The following MINDY4B variants were observed in gnomAD, a reference collection of about 807,000 sequenced individuals.
MINDY4B encodes the protein MINDY family member 4B, also known as inactive ubiquitin carboxyl-terminal hydrolase MINDY-4B.
In MINDY4B, 25 loss-of-function variants were observed where a neutral mutation model predicts 16.7. The observed-to-expected ratio is 1.49, with a 90% CI of 1.09 to 2.09. MINDY4B has a LOEUF of 2.09. Among genes scored for constraint, MINDY4B ranks in the 30% most tolerant of loss-of-function variants. The probability of loss-of-function intolerance (pLI) is 0.00; values close to 1 mark genes in which losing one functional copy is unlikely to be tolerated. For missense variants in MINDY4B, 327 were observed against 168.4 expected, an observed-to-expected ratio of 1.94 and a Z score of -5.21; for synonymous variants, 132 against 61.9, an observed-to-expected ratio of 2.13 and a Z score of -5.32.
intron 10 of MINDY4B, among the ~76,000 whole-genome samples, chr3:150,878,255 TA>T (rs901142132): frequency 4.6e-5 from 7 of 152,324 alleles, no homozygotes; most frequent in African/African-American, 1.4e-4. Flanking sequence ...CATATAAGTA[TA>T]AATAAACTTG....
chr3:150,896,233 T>G (rs7623153), intron 3 of MINDY4B, among the ~76,000 whole-genome samples: 27,520 of 152,086 alleles, frequency 0.18, 2,624 homozygotes, highest in East Asian at 0.33. Flanking sequence ...GATTGTTTTT[T>G]ATTTATGTTA....
intron 5 of MINDY4B, 87 bp from the exon 6 acceptor site, chr3:150,891,190 G>A: frequency 1.5e-6 from 1 of 645,432 alleles, no homozygotes; most frequent in Non-Finnish European, 2.8e-6. Flanking sequence ...CCTGGTCATT[G>A]ACCTTCAAAG....
Position 150,873,227 on chromosome 3 carries a change from A to G in MINDY4B, c.1200T>C (p.Ser400=). ...MERLFDLYFY[S]GQPSQKKLVR... The stretch of plus-strand genomic sequence containing the variant: ...CAAGCTTTTTCTGTGAGGGTTGGCC[A>G]CTGTAAAAGTACAGATCAAAGAGAC... Residue 400 remains serine, a synonymous_variant, in exon 11 of 12, where the codon AGT becomes AGC. Coordinates refer to ENST00000465419, the MANE Select transcript of MINDY4B (RefSeq NM_001351281.2). 1 of 703,240 alleles carries G rather than the reference A, an allele frequency of 1.4e-6. No homozygotes were observed. Among genetic ancestry groups the G allele is most frequent in the South Asian group, 1.5e-5 (1 of 67,576 alleles). 43.6% of individuals were successfully genotyped at this position (703,240 alleles called of 1,614,324 possible). A position where few individuals can be genotyped will look rare whatever the true frequency, so the allele number is the denominator to read the frequency against.
intron 5 of MINDY4B, among the ~76,000 whole-genome samples, chr3:150,893,093 C>A (rs1711857889): frequency 6.6e-6 from 1 of 152,106 alleles, no homozygotes; most frequent in South Asian, 2.1e-4. Flanking sequence ...GAGTGGTCTG[C>A]AGTAGAGCAT....
chr3:150,873,474 A>T, intron 10 of MINDY4B, 107 bp from the exon 11 acceptor site: 3 of 627,398 alleles, frequency 4.8e-6, no homozygotes, highest in Middle Eastern at 4.1e-4. Flanking sequence ...TTCTTGTTGC[A>T]CTTGTCGCGT....
At chr3:150,880,305 C>CTGTGTGTGTGTGTGTGTGTG (rs60659488) in intron 10 of MINDY4B, among the ~76,000 whole-genome samples, 1 of 149,778 alleles carries the variant, frequency 6.7e-6, no homozygotes, top group African/African-American at 2.5e-5. Flanking sequence ...AGGTTCCCAT[C>CTGTGTGTGTGTGTGTGTGTG]TGTGTGTGTG....
chr3:150,878,435 A>G (rs976543122), intron 10 of MINDY4B, among the ~76,000 whole-genome samples: 1 of 152,246 alleles, frequency 6.6e-6, no homozygotes, highest in Non-Finnish European at 1.5e-5. Context: ...CCTTTTTTTA[A>G]AACCAAACTT....
intron 10 of MINDY4B, among the ~76,000 whole-genome samples, chr3:150,874,412 C>T (rs777321078): frequency 1.2e-4 from 19 of 152,290 alleles, no homozygotes; most frequent in Non-Finnish European, 2.2e-4. Flanking sequence ...ACTTCTAGTG[C>T]GTTTCTATCA....
chr3:150,885,948 A>G (rs964703386), intron 7 of MINDY4B, among the ~76,000 whole-genome samples: 1 of 152,206 alleles, frequency 6.6e-6, no homozygotes, highest in South Asian at 2.1e-4. Context: ...AAGGATAAAA[A>G]GAACTTTTCT....
intron 8 of MINDY4B, among the ~76,000 whole-genome samples, chr3:150,884,192 T>C (rs1711569674): frequency 6.6e-6 from 1 of 152,256 alleles, no homozygotes; most frequent in Admixed American, 6.5e-5. Context: ...ATTTCTTGGC[T>C]GAGCCCGTTT....
chr3:150,883,259 A>G (rs188800209), intron 9 of MINDY4B, among the ~76,000 whole-genome samples: 153 of 152,278 alleles, frequency 1.0e-3, no homozygotes, highest in Non-Finnish European at 1.7e-3. Flanking sequence ...ACCTTACCCC[A>G]TAACTCCCTC....
At chr3:150,894,897 G>C (rs957093171) in intron 3 of MINDY4B, among the ~76,000 whole-genome samples, 1 of 152,166 alleles carries the variant, frequency 6.6e-6, no homozygotes. Context: ...TATGTAAAAA[G>C]TCTAACACCC....
chr3:150,902,561 G>A (rs2107912505), intron 3 of MINDY4B, among the ~76,000 whole-genome samples: 1 of 152,306 alleles, frequency 6.6e-6, no homozygotes, highest in African/African-American at 2.4e-5. Flanking sequence ...CTGGTCCTTT[G>A]GACATTTGCC....
chr3:150,875,573 C>T (rs764692187), intron 10 of MINDY4B, among the ~76,000 whole-genome samples: 16 of 152,170 alleles, frequency 1.1e-4, no homozygotes, highest in African/African-American at 1.4e-4. Flanking sequence ...CTGACTGACA[C>T]ACTATTGTTG....
intron 3 of MINDY4B, among the ~76,000 whole-genome samples, 188 bp from the exon 4 acceptor site, chr3:150,894,493 C>T (rs1711908093): frequency 6.6e-6 from 1 of 152,180 alleles, no homozygotes; most frequent in South Asian, 2.1e-4. Context: ...CAACGTTTGT[C>T]CCTCGTGTCT....
chr3:150,873,919 G>T (rs1368151424), intron 10 of MINDY4B, among the ~76,000 whole-genome samples: 1 of 151,120 alleles, frequency 6.6e-6, no homozygotes, highest in Non-Finnish European at 1.5e-5. Flanking sequence ...ATATCTACAG[G>T]TTAACATGAT....
intron 5 of MINDY4B, 82 bp downstream of exon 5, chr3:150,893,242 C>T (rs1576614003): frequency 2.9e-6 from 2 of 691,128 alleles, no homozygotes; most frequent in African/African-American, 1.8e-5. Context: ...CTGAGACAAC[C>T]TGAATTTTTC....
intron 11 of MINDY4B, among the ~76,000 whole-genome samples, chr3:150,872,771 T>C (rs1032333970): frequency 1.3e-5 from 2 of 152,226 alleles, no homozygotes; most frequent in Admixed American, 1.3e-4. Context: ...TGGTTACTTA[T>C]GTCACTGGAT....
chr3:150,902,314 T>G (rs968864207), intron 3 of MINDY4B, among the ~76,000 whole-genome samples: 1 of 152,220 alleles, frequency 6.6e-6, no homozygotes, highest in Non-Finnish European at 1.5e-5. Context: ...CTCTCATTCT[T>G]AAGGCCCTGA....
Sources: allele counts gnomAD v4.1 joint callset (sites outside exome capture counted in the v4.1 genomes callset), GRCh38; gene constraint gnomAD v4.1.1; transcripts MANE v1.5; gene names NCBI Gene and HGNC (gene_info 2026-07-23, HGNC 2026-07-21).